The following CECR2 variants were observed in gnomAD, a reference collection of about 807,000 sequenced individuals.
The protein encoded by CECR2 is chromatin remodeling regulator CECR2.
In CECR2, 30 loss-of-function variants were observed where a neutral mutation model predicts 154.5. The observed-to-expected ratio is 0.19, with a 90% CI of 0.15 to 0.26. The LOEUF (loss-of-function observed/expected upper bound fraction) is 0.26. Ranked by LOEUF, CECR2 falls within the 10% of genes least tolerant of loss-of-function variation. The probability of loss-of-function intolerance (pLI) is 1.00; values close to 1 mark genes in which losing one functional copy is unlikely to be tolerated. For missense variants in CECR2, 1,743 were observed against 1,829.3 expected (o/e 0.95, Z 0.86); for synonymous variants, 725 against 683.7 (o/e 1.06, Z -0.94).
intron 1 of CECR2, among the ~76,000 whole-genome samples, chr22:17,360,713 C>A (rs373507055): frequency 6.7e-6 from 1 of 149,434 alleles, no homozygotes; most frequent in South Asian, 2.1e-4. Flanking sequence ...AGCATGGTGA[C>A]ATGTGCCTGT....
chr22:17,524,023 T>A (rs1163704719), intron 8 of CECR2, 95 bp from the exon 9 acceptor site: 1 of 983,920 alleles, frequency 1.0e-6, no homozygotes, highest in Non-Finnish European at 1.5e-6. Context: ...TAGCTAATAT[T>A]ATTTGTTGAA....
chr22:17,451,754 A>C (rs957037878), intron 1 of CECR2, among the ~76,000 whole-genome samples: 6 of 152,166 alleles, frequency 3.9e-5, no homozygotes, highest in African/African-American at 1.4e-4. Flanking sequence ...AAATTACCCA[A>C]ATTATTTGCA....
chr22:17,482,039 T>C (rs2518764), intron 2 of CECR2, among the ~76,000 whole-genome samples: 35,128 of 125,284 alleles, frequency 0.28, 4,702 homozygotes, highest in Middle Eastern at 0.4. Flanking sequence ...GGCATGAACC[T>C]GGGAGGCGGA....
intron 1 of CECR2, among the ~76,000 whole-genome samples, chr22:17,461,788 G>T (rs1021976267): frequency 6.7e-6 from 1 of 148,406 alleles, no homozygotes; most frequent in African/African-American, 2.5e-5. Context: ...GGAAGTACCC[G>T]TTACTTTTTT....
intron 8 of CECR2, among the ~76,000 whole-genome samples, chr22:17,522,388 T>A (rs558266003): frequency 3.5e-4 from 54 of 152,192 alleles, no homozygotes; most frequent in Admixed American, 4.6e-4. Context: ...ATGGCAAAAT[T>A]TAGGGAAGGT....
chr22:17,462,220 C>T (rs897646722), intron 1 of CECR2, among the ~76,000 whole-genome samples: 9 of 151,054 alleles, frequency 6.0e-5, no homozygotes, highest in East Asian at 2.0e-4. Context: ...CTGGCTAATA[C>T]GGTGAAACCC....
chr22:17,473,478 T>C (rs17741035), intron 1 of CECR2, among the ~76,000 whole-genome samples: 3,929 of 152,324 alleles, frequency 0.026, 78 homozygotes, highest in Non-Finnish European at 0.041. Context: ...CAAATAGTTC[T>C]TGCAGATAGT....
intron 1 of CECR2, among the ~76,000 whole-genome samples, chr22:17,446,964 A>G (rs913655116): frequency 1.3e-5 from 2 of 151,346 alleles, no homozygotes; most frequent in African/African-American, 4.9e-5. Flanking sequence ...TGGTGTGTTT[A>G]CAGTTCTTTA....
chr22:17,428,125 CT>C (rs2054359542), intron 1 of CECR2: 2 of 152,318 alleles, frequency 1.3e-5, no homozygotes, highest in African/African-American at 4.8e-5. Context: ...TAAATGTCTT[CT>C]TTTGCGACGT....
In CECR2 at chr22:17,553,940, T is replaced by C. The variant is rs2056745678; in HGVS notation, c.*1100T>C. The C allele has an allele frequency of 6.6e-6, 1 of 152,156 alleles. No homozygotes were observed. The highest frequency in any genetic ancestry group is 2.1e-4 in the South Asian group (1 of 4,826). 9.4% of individuals were successfully genotyped at this position (152,156 alleles called of 1,614,324 possible). ...CAATAAAGAATTGCACAGGTTTGAA[T>C]AGGAAAAATGTATTCTATAGATTTA... On this transcript the variant is annotated 3_prime_UTR_variant, in exon 19 of 19. Coordinates refer to ENST00000262608, the MANE Select transcript of CECR2 (RefSeq NM_001290047.2).
chr22:17,447,066 G>A (rs1007790684), intron 1 of CECR2, among the ~76,000 whole-genome samples: 4 of 105,760 alleles, frequency 3.8e-5, no homozygotes, highest in East Asian at 6.6e-4. Context: ...ACAGAGTCTC[G>A]CTGTCTTGCC....
At chr22:17,407,579 A>G (rs948237220) in intron 1 of CECR2, among the ~76,000 whole-genome samples, 1 of 151,480 alleles carries the variant, frequency 6.6e-6, no homozygotes, top group Non-Finnish European at 1.5e-5. Flanking sequence ...TGGGCAATAG[A>G]GTGAGACTCT....
Position 17,553,212 on chromosome 22 carries a change from G to T in CECR2, c.*372G>T. 1 of 196,018 alleles carries T rather than the reference G, an allele frequency of 5.1e-6. No individual in the cohort carries two copies. The highest frequency in any genetic ancestry group is 1.0e-5 in the Non-Finnish European group (1 of 96,986). The allele number at this position is 196,018 out of a possible 1,614,324, so 12.1% of individuals were successfully genotyped here. A position where few individuals can be genotyped will look rare whatever the true frequency, so the allele number is the denominator to read the frequency against. ...TGGAGTGGTGCTTTTAAACTTTGAT[G>T]AGCAGCTAAACTCAGGTATATATTT... On this transcript the variant is annotated 3_prime_UTR_variant, in exon 19 of 19. Transcript: ENST00000262608.
chr22:17,446,456 G>T (rs771280164), intron 1 of CECR2, among the ~76,000 whole-genome samples: 1 of 152,206 alleles, frequency 6.6e-6, no homozygotes, highest in African/African-American at 2.4e-5. Context: ...GGTGGCTCTT[G>T]CCTGTAATCC....
intron 1 of CECR2, among the ~76,000 whole-genome samples, chr22:17,456,950 CAT>C (rs1245128818): frequency 2.0e-5 from 3 of 152,190 alleles, no homozygotes; most frequent in Admixed American, 6.5e-5. Flanking sequence ...TCATGTAGTA[CAT>C]GTTTATGTCT....
At chr22:17,525,074 G>T (rs2056235748) in intron 9 of CECR2, among the ~76,000 whole-genome samples, 1 of 147,106 alleles carries the variant, frequency 6.8e-6, no homozygotes, top group South Asian at 2.1e-4. Flanking sequence ...ACATGAGGTT[G>T]GGTTTTCGAG....
intron 2 of CECR2, among the ~76,000 whole-genome samples, chr22:17,492,066 T>A (rs2055542528): frequency 6.6e-6 from 1 of 152,228 alleles, no homozygotes; most frequent in Non-Finnish European, 1.5e-5. Context: ...TCATACAGAA[T>A]CTTTTACTTG....
In CECR2 at chr22:17,540,667, C is replaced by G. The variant is rs1471800729; in HGVS notation, c.1751C>G (p.Pro584Arg). Residue 584 changes from proline to arginine, a missense_variant, in exon 14 of 19, where the codon CCC becomes CGC. Pro to Arg is a moderately radical substitution (Grantham distance 103, BLOSUM62 -2). Around this residue, in one of 4 missense-constraint regions of CECR2, gnomAD observed 1,250 missense variants for 1,192.1 expected, o/e 1.05. Transcript: ENST00000262608. ...GKSLPPTRRA[P>R]SSGDDQSSSS... ...TCGTTGCCCCCCACACGCCGAGCGC[C>G]CTCTTCTGGGGACGATCAGAGCAGC... 1 of 1,613,968 alleles carries G rather than the reference C, an allele frequency of 6.2e-7. No homozygotes were observed. The highest frequency in any genetic ancestry group is 1.7e-5 in the Admixed American group (1 of 60,018).
chr22:17,541,523 CA>C (rs1321656761), intron 14 of CECR2, among the ~76,000 whole-genome samples: 1 of 152,120 alleles, frequency 6.6e-6, no homozygotes, highest in Non-Finnish European at 1.5e-5. Context: ...AGTATATCTG[CA>C]ACATTATAAG....
Sources: gnomAD v4.1 joint callset for allele counts (sites outside exome capture counted in the v4.1 genomes callset) on GRCh38, gnomAD v4.1.1 for gene constraint, gnomAD v4.1.1 regional missense constraint, MANE v1.5 for transcripts, NCBI Gene and HGNC (gene_info 2026-07-23, HGNC 2026-07-21) for gene names.